ATXN1: variants seen among roughly 807,000 people sequenced by gnomAD.
ATXN1 encodes the protein ataxin 1, also known as ataxin-1.
A neutral mutation model predicts 56.4 loss-of-function variants in ATXN1; 8 were observed. That is an observed-to-expected ratio of 0.14 (90% CI 0.08 to 0.26). The LOEUF (loss-of-function observed/expected upper bound fraction) is 0.26, where lower values mean the gene tolerates loss of function less well. Among genes scored for constraint, ATXN1 ranks in the 10% least tolerant of loss-of-function variants. ATXN1 has a pLI of 1.00. For missense variants in ATXN1, 987 were observed against 1,106.5 expected, an observed-to-expected ratio of 0.89 and a Z score of 1.53; for synonymous variants, 514 against 494.6, an observed-to-expected ratio of 1.04 and a Z score of -0.52.
intron 2 of ATXN1, among the ~76,000 whole-genome samples, chr6:16,703,248 G>A (rs1405585292): frequency 5.3e-5 from 8 of 151,928 alleles, no homozygotes; most frequent in Admixed American, 2.0e-4. Context: ...ACCAAACACC[G>A]CATGTTCTCA....
intron 6 of ATXN1, among the ~76,000 whole-genome samples, chr6:16,450,872 C>T (rs1475759184): frequency 6.6e-6 from 1 of 152,180 alleles, no homozygotes; most frequent in Non-Finnish European, 1.5e-5. Context: ...CCCATCCTAA[C>T]CTCTTTCAGC....
chr6:16,347,866 G>C (rs576614268), intron 6 of ATXN1, among the ~76,000 whole-genome samples: 1 of 151,854 alleles, frequency 6.6e-6, no homozygotes, highest in Non-Finnish European at 1.5e-5. Context: ...TTTCCACACT[G>C]TGGAAGCTTT....
intron 2 of ATXN1, among the ~76,000 whole-genome samples, chr6:16,684,625 G>T (rs1207978453): frequency 3.9e-5 from 6 of 152,126 alleles, no homozygotes; most frequent in Admixed American, 6.5e-5. Context: ...TTAATGACAG[G>T]CCTAAGACTT....
intron 3 of ATXN1, among the ~76,000 whole-genome samples, chr6:16,655,822 G>T (rs1466204222): frequency 6.6e-6 from 1 of 151,972 alleles, no homozygotes; most frequent in African/African-American, 2.4e-5. Flanking sequence ...GGGTGCAGTG[G>T]TTCACATCTG....
intron 6 of ATXN1, among the ~76,000 whole-genome samples, chr6:16,421,655 T>A (rs372319461): frequency 2.1e-5 from 1 of 47,718 alleles, no homozygotes; most frequent in Non-Finnish European, 5.2e-5. Context: ...CACGGGAGGG[T>A]GGGGGGGGCG....
intron 7 of ATXN1, among the ~76,000 whole-genome samples, chr6:16,309,821 G>A (rs1053899031): frequency 6.6e-6 from 1 of 152,096 alleles, no homozygotes; most frequent in Non-Finnish European, 1.5e-5. Context: ...ATTACCTGAG[G>A]TCAGGAGTTT....
At chr6:16,671,342 T>TAAGAGAAG (rs1336769326) in intron 2 of ATXN1, among the ~76,000 whole-genome samples, 3 of 146,688 alleles carry the variant, frequency 2.0e-5, no homozygotes, top group Non-Finnish European at 4.5e-5. Context: ...CGTAACAGAA[T>TAAGAGAAG]AAGAGAAGTA....
chr6:16,734,708 G>C (rs1760072618), intron 2 of ATXN1, among the ~76,000 whole-genome samples: 1 of 152,124 alleles, frequency 6.6e-6, no homozygotes, highest in Non-Finnish European at 1.5e-5. Context: ...TGGTCAGGCT[G>C]GTCTCGAACT....
intron 6 of ATXN1, among the ~76,000 whole-genome samples, chr6:16,338,471 C>T (rs986820978): frequency 2.0e-5 from 3 of 152,070 alleles, no homozygotes; most frequent in Non-Finnish European, 2.9e-5. Flanking sequence ...CCAGCCTGGG[C>T]GACAGAGCGA....
chr6:16,429,702 G>A (rs1356865540), intron 6 of ATXN1, among the ~76,000 whole-genome samples: 3 of 152,160 alleles, frequency 2.0e-5, no homozygotes, highest in African/African-American at 7.2e-5. Context: ...ACAGGTGTGA[G>A]CCACTGAGCC....
At chr6:16,756,385 T>C (rs1233029784) in intron 1 of ATXN1, among the ~76,000 whole-genome samples, 2 of 152,174 alleles carry the variant, frequency 1.3e-5, no homozygotes, top group Non-Finnish European at 2.9e-5. Context: ...GTGAACATAA[T>C]TGATGACTTA....
chr6:16,316,998 A>T (rs574165397), intron 7 of ATXN1, among the ~76,000 whole-genome samples: 26 of 151,172 alleles, frequency 1.7e-4, no homozygotes, highest in African/African-American at 5.9e-4. Context: ...CAGCGGAGCC[A>T]TAGCCACCTC....
chr6:16,673,916 A>ACATT (rs1366985961), intron 2 of ATXN1, among the ~76,000 whole-genome samples: 1 of 152,162 alleles, frequency 6.6e-6, no homozygotes, highest in East Asian at 1.9e-4. Flanking sequence ...GTGTCTCCAA[A>ACATT]CATTGCCAAA....
chr6:16,730,011 G>A (rs527806006), intron 2 of ATXN1, among the ~76,000 whole-genome samples: 4 of 152,222 alleles, frequency 2.6e-5, no homozygotes, highest in Non-Finnish European at 5.9e-5. Context: ...GGCCAAGCGC[G>A]ATGGCGCACG....
intron 4 of ATXN1, among the ~76,000 whole-genome samples, chr6:16,563,374 C>T (rs984657476): frequency 6.6e-6 from 1 of 152,064 alleles, no homozygotes; most frequent in African/African-American, 2.4e-5. Context: ...GGGGATCATG[C>T]AGGATTGGTG....
chr6:16,479,900 C>A (rs2237193), intron 6 of ATXN1, among the ~76,000 whole-genome samples: 9,133 of 152,052 alleles, frequency 0.06, 710 homozygotes, highest in East Asian at 0.36. Context: ...GCCTATAATC[C>A]CAGCATTTTG....
At chr6:16,495,497 C>T (rs1163971928) in intron 5 of ATXN1, among the ~76,000 whole-genome samples, 1 of 152,188 alleles carries the variant, frequency 6.6e-6, no homozygotes, top group Non-Finnish European at 1.5e-5. Flanking sequence ...CCACAACTTC[C>T]TTTTCTTTTT....
intron 7 of ATXN1, among the ~76,000 whole-genome samples, chr6:16,324,977 G>A (rs57383878): frequency 6.6e-6 from 1 of 152,232 alleles, no homozygotes; most frequent in African/African-American, 2.4e-5. Context: ...AATTCCTAGA[G>A]GCCTGACTTT....
chr6:16,313,028 C>A (rs1223974890), intron 7 of ATXN1, among the ~76,000 whole-genome samples: 4 of 152,236 alleles, frequency 2.6e-5, no homozygotes, highest in Non-Finnish European at 4.4e-5. Flanking sequence ...CAGGCATGTG[C>A]CACCACACCT....
Sources: allele counts gnomAD v4.1 joint callset (sites outside exome capture counted in the v4.1 genomes callset), GRCh38; gene constraint gnomAD v4.1.1; transcripts MANE v1.5; gene names NCBI Gene and HGNC (gene_info 2026-07-23, HGNC 2026-07-21).